Variants in ANO1 observed in about 807,000 individuals in gnomAD.
ANO1 encodes anoctamin-1.
ANO1 carries 59 observed loss-of-function variants against 124.0 expected under a neutral mutation model. The ratio of observed to expected loss-of-function variants is 0.48; its 90% CI spans 0.39 to 0.59. ANO1 has a LOEUF of 0.59. Ranked by LOEUF, ANO1 falls within the 20% of genes least tolerant of loss-of-function variation. The probability of loss-of-function intolerance (pLI) is 0.00; values close to 1 mark genes in which losing one functional copy is unlikely to be tolerated. For missense variants in ANO1, 1,059 were observed against 1,328.0 expected (o/e 0.80, Z 3.15); for synonymous variants, 529 against 532.0 (o/e 0.99, Z 0.08).
intron 22 of ANO1, among the ~76,000 whole-genome samples, chr11:70,171,259 C>CA (rs1478376475): frequency 1.3e-5 from 2 of 152,194 alleles, no homozygotes; most frequent in Admixed American, 6.5e-5. Context: ...GCCTTGGTCA[C>CA]AGAGGATGTT....
intron 8 of ANO1, among the ~76,000 whole-genome samples, chr11:70,117,414 C>A (rs1430664658): frequency 6.6e-6 from 1 of 152,106 alleles, no homozygotes; most frequent in African/African-American, 2.4e-5. Context: ...TTCCTCACTC[C>A]CCAAAGCGTT....
chr11:70,175,208 C>T (rs1452003864), intron 22 of ANO1, among the ~76,000 whole-genome samples: 1 of 152,280 alleles, frequency 6.6e-6, no homozygotes. Flanking sequence ...AGCAGGCCTT[C>T]CGCGTGCCTC....
At chr11:70,165,638 T>C (rs2048228610) in intron 20 of ANO1, 68 bp downstream of exon 20, 5 of 1,327,764 alleles carry the variant, frequency 3.8e-6, no homozygotes, top group Non-Finnish European at 1.0e-6. Context: ...GGGTGGCTCC[T>C]GCGGGGGTCT....
chr11:69,968,042 T>C, the ANO1 span, among the ~76,000 whole-genome samples: 1 of 151,980 alleles, frequency 6.6e-6, no homozygotes. Flanking sequence ...GCATCAGGGG[T>C]GGGCAGGGAG....
intron 24 of ANO1, 50 bp downstream of exon 24, chr11:70,182,736 G>A: frequency 7.2e-7 from 1 of 1,390,420 alleles, no homozygotes. Flanking sequence ...TTGGGTTTCT[G>A]GGAGAGCCTG....
intron 2 of ANO1, among the ~76,000 whole-genome samples, chr11:70,089,341 A>G (rs11233661): frequency 0.29 from 44,473 of 152,162 alleles, 7,941 homozygotes; most frequent in East Asian, 0.44. Flanking sequence ...CTTTTGGTCC[A>G]GTGATAAGAA....
chr11:69,995,858 G>A (rs538916645), intron 1 of ANO1, among the ~76,000 whole-genome samples: 1 of 152,316 alleles, frequency 6.6e-6, no homozygotes, highest in East Asian at 1.9e-4. Context: ...TGTAATCCCA[G>A]CACTTTGGGA....
chr11:69,980,172 A>G, the ANO1 span, among the ~76,000 whole-genome samples: 1 of 152,180 alleles, frequency 6.6e-6, no homozygotes, highest in Admixed American at 6.5e-5. Context: ...GCCAGTCCCA[A>G]AAAGATAAAC....
At chr11:70,115,233 G>A (rs906004068) in intron 7 of ANO1, among the ~76,000 whole-genome samples, 2 of 152,150 alleles carry the variant, frequency 1.3e-5, no homozygotes, top group African/African-American at 4.8e-5. Context: ...GGGTTAGAAG[G>A]GGTCATGGAA....
intron 22 of ANO1, among the ~76,000 whole-genome samples, chr11:70,177,602 T>C (rs575208819): frequency 0.012 from 1,571 of 136,164 alleles, 27 homozygotes; most frequent in African/African-American, 0.038. Flanking sequence ...TTCTTTTTTT[T>C]TTTTTTTTTT....
chr11:70,147,968 G>A (rs571667743), intron 11 of ANO1, among the ~76,000 whole-genome samples: 88 of 152,298 alleles, frequency 5.8e-4, no homozygotes, highest in African/African-American at 2.0e-3. Context: ...GGGTCGGCGG[G>A]GGGTTCCTAT....
At chr11:70,006,489 C>T (rs782185595) in intron 1 of ANO1, among the ~76,000 whole-genome samples, 7 of 152,104 alleles carry the variant, frequency 4.6e-5, no homozygotes, top group Non-Finnish European at 8.8e-5. Flanking sequence ...ACCCCACACA[C>T]AGACCCTGGC....
intron 2 of ANO1, among the ~76,000 whole-genome samples, chr11:70,100,137 C>T (rs1049803763): frequency 6.6e-6 from 1 of 152,168 alleles, no homozygotes; most frequent in Non-Finnish European, 1.5e-5. Context: ...CTTCAGGCCC[C>T]CGCTCCTGGG....
At chr11:70,052,282 C>A (rs148978716) in intron 1 of ANO1, among the ~76,000 whole-genome samples, 102 of 152,296 alleles carry the variant, frequency 6.7e-4, no homozygotes, top group Non-Finnish European at 8.2e-4. Flanking sequence ...TCCATGTATC[C>A]TTGAATACCA....
intron 1 of ANO1, among the ~76,000 whole-genome samples, chr11:69,988,305 C>G (rs1242304201): frequency 6.6e-6 from 1 of 152,198 alleles, no homozygotes; most frequent in Admixed American, 6.5e-5. Flanking sequence ...GTACAGAGAG[C>G]CCCAATTCTA....
intron 1 of ANO1, among the ~76,000 whole-genome samples, chr11:69,997,562 G>C (rs1554998594): frequency 6.6e-6 from 1 of 152,152 alleles, no homozygotes; most frequent in Non-Finnish European, 1.5e-5. Context: ...CAGCCACAGG[G>C]CCTTTGCACA....
rs762208743 is a variant in ANO1 at position 70,182,578 on chromosome 11, T to C, written c.2480T>C (p.Met827Thr). ...TACATGTACAGTAAGAACGGGACCA[T>C]GCACGGCTTCGTCAACCACACCCTC... ...YLYMYSKNGTMHGFVNHTLSS... is the reference protein window; with the variant it reads ...YLYMYSKNGTTHGFVNHTLSS... Residue 827 changes from methionine to threonine, a missense_variant, in exon 24 of 26, where the codon ATG becomes ACG. Transcript: ENST00000355303. The C allele has an allele frequency of 1.2e-6, 2 of 1,613,598 alleles. No individual in the cohort carries two copies. Among genetic ancestry groups the C allele is most frequent in the Non-Finnish European group, 1.7e-6 (2 of 1,179,780 alleles).
intron 22 of ANO1, among the ~76,000 whole-genome samples, chr11:70,177,794 T>C (rs140156073): frequency 6.6e-6 from 1 of 152,220 alleles, no homozygotes; most frequent in African/African-American, 2.4e-5. Context: ...GAGCGGGGCT[T>C]CGCCATGTTG....
intron 2 of ANO1, among the ~76,000 whole-genome samples, chr11:70,090,254 G>C (rs750980556): frequency 1.3e-5 from 2 of 152,154 alleles, no homozygotes; most frequent in African/African-American, 4.8e-5. Context: ...TGGTCCGCCC[G>C]CCTTGGCCTC....
Sources: gnomAD v4.1 joint callset for allele counts (sites outside exome capture counted in the v4.1 genomes callset) on GRCh38, gnomAD v4.1.1 for gene constraint, MANE v1.5 for transcripts, NCBI Gene and HGNC (gene_info 2026-07-23, HGNC 2026-07-21) for gene names.